The following GOLGA7B variants were observed in gnomAD, a reference collection of about 807,000 sequenced individuals.
GOLGA7B encodes the protein golgin subfamily A member 7B.
Under a neutral mutation model 21.5 loss-of-function variants are expected in GOLGA7B, and 17 were observed. That is an observed-to-expected ratio of 0.79 (90% CI 0.54 to 1.19). The LOEUF (loss-of-function observed/expected upper bound fraction) is 1.19. GOLGA7B is among the 50% of genes most tolerant of loss of function. The pLI, the probability that GOLGA7B is intolerant of heterozygous loss-of-function variation, is 0.00. For synonymous variants in GOLGA7B, 87 were observed against 84.0 expected, an observed-to-expected ratio of 1.04 and a Z score of -0.19; for missense variants, 169 against 224.4, an observed-to-expected ratio of 0.75 and a Z score of 1.58.
chr10:97,865,797 C>A lies in GOLGA7B; in HGVS notation c.*97C>A. ...CCAGAGCACCCGCTTCTGAGTCATT[C>A]TTTGGGCTCACCCTGCTGCCCGGGG... On this transcript the variant is annotated 3_prime_UTR_variant, in exon 5 of 5. Coordinates refer to ENST00000370602, the MANE Select transcript of GOLGA7B (RefSeq NM_001010917.3). 1.4e-6 allele frequency: 1 copy of A among 714,394 alleles called. No individual in the cohort carries two copies. The highest frequency in any genetic ancestry group is 2.0e-6 in the Non-Finnish European group (1 of 488,962). The allele number at this position is 714,394 out of a possible 1,614,324, so 44.3% of individuals were successfully genotyped here.
chr10:97,851,167 A>G (rs762211915), intron 1 of GOLGA7B, among the ~76,000 whole-genome samples: 1 of 152,210 alleles, frequency 6.6e-6, no homozygotes, highest in South Asian at 2.1e-4. Flanking sequence ...TCCACACAGC[A>G]TGTCAGCAGC....
intron 1 of GOLGA7B, among the ~76,000 whole-genome samples, chr10:97,852,498 C>T (rs1166317682): frequency 1.3e-5 from 2 of 152,194 alleles, no homozygotes; most frequent in African/African-American, 2.4e-5. Flanking sequence ...TGCCAGGGCA[C>T]AGGACCTGCA....
At chr10:97,864,961 T>C (rs1311900472) in intron 4 of GOLGA7B, 1 of 152,440 alleles carries the variant, frequency 6.6e-6, no homozygotes, top group Admixed American at 6.5e-5. Context: ...ACTGGAAAAC[T>C]GAGGAGAAAC....
At chr10:97,862,991 G>GGGC (rs1443116088) in intron 2 of GOLGA7B, among the ~76,000 whole-genome samples, 1 of 152,224 alleles carries the variant, frequency 6.6e-6, no homozygotes, top group East Asian at 1.9e-4. Context: ...CCCAGGGGTA[G>GGGC]CAGGGTCGGG....
intron 4 of GOLGA7B, chr10:97,865,298 G>C (rs1434628318): frequency 4.8e-6 from 2 of 412,528 alleles, no homozygotes; most frequent in African/African-American, 4.0e-5. Context: ...CCTAAGATAT[G>C]GTCATTAGAC....
At chr10:97,855,860 A>G (rs2023938956) in intron 1 of GOLGA7B, among the ~76,000 whole-genome samples, 1 of 152,196 alleles carries the variant, frequency 6.6e-6, no homozygotes, top group South Asian at 2.1e-4. Context: ...CAACTCATAT[A>G]AGCCTACAGG....
intron 1 of GOLGA7B, among the ~76,000 whole-genome samples, chr10:97,850,994 AAGGG>A (rs1299596786): frequency 6.6e-6 from 1 of 151,720 alleles, no homozygotes; most frequent in African/African-American, 2.4e-5. Flanking sequence ...CCTGTTAGCT[AAGGG>A]CAGAATCTTG....
chr10:97,862,734 A>G (rs1187851173), intron 2 of GOLGA7B, among the ~76,000 whole-genome samples: 1 of 152,038 alleles, frequency 6.6e-6, no homozygotes, highest in Admixed American at 6.5e-5. Context: ...CTGTAAATAT[A>G]CCTCACTCAG....
intron 2 of GOLGA7B, among the ~76,000 whole-genome samples, chr10:97,860,846 G>C (rs1338241536): frequency 1.3e-5 from 2 of 152,202 alleles, no homozygotes; most frequent in Admixed American, 1.3e-4. Flanking sequence ...CAGGGCGTCA[G>C]CTTGGGTAGG....
At chr10:97,853,942 A>G (rs990650326) in intron 1 of GOLGA7B, among the ~76,000 whole-genome samples, 2 of 152,238 alleles carry the variant, frequency 1.3e-5, no homozygotes, top group African/African-American at 4.8e-5. Context: ...AGTCTGGTCC[A>G]TGGGTGTGCC....
intron 1 of GOLGA7B, among the ~76,000 whole-genome samples, chr10:97,851,266 G>C (rs944559443): frequency 6.6e-6 from 1 of 152,130 alleles, no homozygotes; most frequent in Non-Finnish European, 1.5e-5. Flanking sequence ...CCTTTGTGGT[G>C]TCTCCCCATT....
Position 97,867,079 on chromosome 10 carries a change from G to C in GOLGA7B, c.*1379G>C, listed in dbSNP as rs1290221795. On this transcript the variant is annotated 3_prime_UTR_variant, in exon 5 of 5. Transcript: ENST00000370602. ...GAAGAGCCAAACTTTGGTGGCCTTT[G>C]GTGCCCCCTCTCAGCTCCCCATGAC... 2.0e-5 allele frequency: 3 copies of C among 152,344 alleles called. No individual in the cohort carries two copies. Among genetic ancestry groups the C allele is most frequent in the Non-Finnish European group, 4.4e-5 (3 of 68,160 alleles). The allele number at this position is 152,344 out of a possible 1,614,324, so 9.4% of individuals were successfully genotyped here. A position where few individuals can be genotyped will look rare whatever the true frequency, so the allele number is the denominator to read the frequency against.
intron 2 of GOLGA7B, among the ~76,000 whole-genome samples, chr10:97,862,912 T>C (rs2049979798): frequency 6.6e-6 from 1 of 151,946 alleles, no homozygotes; most frequent in East Asian, 1.9e-4. Flanking sequence ...GCTAAGGAGA[T>C]GGACACAAAG....
chr10:97,865,640 C>CGGCAGCAGCAGCGGCAGT lies in GOLGA7B; in HGVS notation c.459_476dup (p.Ser154_Gly159dup), dbSNP rs775252392. 5 of 1,612,212 alleles carry CGGCAGCAGCAGCGGCAGT rather than the reference C, an allele frequency of 3.1e-6. No homozygotes were observed. The African/African-American group carries it at 4.0e-5, about 13-fold the overall frequency. On this transcript the variant is annotated inframe_insertion, in exon 5 of 5. Transcript: ENST00000370602. ...GGTGCAGCAGTGGCAGCTCCAGCAG[C>CGGCAGCAGCAGCGGCAGT]GGCAGCAGCAGCGGCAGTGGCAGCA...
chr10:97,860,831 G>C (rs57231678), intron 2 of GOLGA7B, among the ~76,000 whole-genome samples: 10,915 of 152,184 alleles, frequency 0.072, 605 homozygotes, highest in African/African-American at 0.15. Flanking sequence ...GAAAAAGGAA[G>C]CTTGCAGGGC....
chr10:97,865,540 AC>A, intron 4 of GOLGA7B, 49 bp from the exon 5 acceptor site: 3 of 1,601,424 alleles, frequency 1.9e-6, no homozygotes, highest in Non-Finnish European at 2.6e-6. Context: ...TTCATGTCCC[AC>A]CCCTGCTCAG....
chr10:97,864,328 G>C, intron 4 of GOLGA7B, 59 bp downstream of exon 4: 1 of 1,461,788 alleles, frequency 6.8e-7, no homozygotes, highest in Admixed American at 1.7e-5. Flanking sequence ...TAGAGATCCT[G>C]GTGAGGCTGC....
At chr10:97,857,473 A>G (rs538429630) in intron 1 of GOLGA7B, among the ~76,000 whole-genome samples, 1 of 152,240 alleles carries the variant, frequency 6.6e-6, no homozygotes, top group East Asian at 1.9e-4. Flanking sequence ...AATCGTAGAT[A>G]ACACAGACAA....
intron 1 of GOLGA7B, among the ~76,000 whole-genome samples, 169 bp from the exon 2 acceptor site, chr10:97,859,289 G>A (rs1315194147): frequency 6.6e-6 from 1 of 152,236 alleles, no homozygotes; most frequent in Non-Finnish European, 1.5e-5. Flanking sequence ...CCACAGCCCT[G>A]CCTCCCTTGG....
Sources: gnomAD v4.1 joint callset for allele counts (sites outside exome capture counted in the v4.1 genomes callset) on GRCh38, gnomAD v4.1.1 for gene constraint, MANE v1.5 for transcripts, NCBI Gene and HGNC (gene_info 2026-07-23, HGNC 2026-07-21) for gene names.